The following KCNT2 variants were observed in gnomAD, a reference collection of about 807,000 sequenced individuals.
The protein encoded by KCNT2 is potassium channel subfamily T member 2.
KCNT2 carries 67 observed loss-of-function variants against 153.8 expected under a neutral mutation model. The observed-to-expected ratio is 0.44, with a 90% CI of 0.36 to 0.53. The LOEUF (loss-of-function observed/expected upper bound fraction) is 0.53, where lower values mean the gene tolerates loss of function less well. Among genes scored for constraint, KCNT2 ranks in the 20% least tolerant of loss-of-function variants. The pLI, the probability that KCNT2 is intolerant of heterozygous loss-of-function variation, is 0.00. For missense variants in KCNT2, 975 were observed against 1,354.8 expected (o/e 0.72, Z 4.40); for synonymous variants, 500 against 458.8 (o/e 1.09, Z -1.15).
chr1:196,292,120 A>G (rs928731404), intron 22 of KCNT2, among the ~76,000 whole-genome samples: 1 of 152,236 alleles, frequency 6.6e-6, no homozygotes, highest in Non-Finnish European at 1.5e-5. Context: ...ATTTACTTTT[A>G]CGAATCAGGC....
chr1:196,275,691 C>G (rs1411731464), intron 25 of KCNT2, among the ~76,000 whole-genome samples: 1 of 151,728 alleles, frequency 6.6e-6, no homozygotes, highest in African/African-American at 2.4e-5. Context: ...CCTGCATCTG[C>G]CTTTAAAAGT....
intron 4 of KCNT2, among the ~76,000 whole-genome samples, chr1:196,480,637 C>A (rs1330723028): frequency 6.6e-6 from 1 of 151,758 alleles, no homozygotes; most frequent in African/African-American, 2.4e-5. Flanking sequence ...GGGCGGATCA[C>A]GAGGTCAGGA....
intron 26 of KCNT2, among the ~76,000 whole-genome samples, chr1:196,256,887 T>C (rs1315678645): frequency 2.0e-5 from 3 of 151,984 alleles, no homozygotes; most frequent in Non-Finnish European, 4.4e-5. Flanking sequence ...TCACCTTCCA[T>C]GTAAATTAAT....
At chr1:196,462,794 T>A (rs1223943410) in intron 8 of KCNT2, among the ~76,000 whole-genome samples, 1 of 151,766 alleles carries the variant, frequency 6.6e-6, no homozygotes, top group Non-Finnish European at 1.5e-5. Flanking sequence ...AATGTACATG[T>A]GGACTTTTAT....
At chr1:196,293,005 T>A (rs1259013563) in intron 22 of KCNT2, among the ~76,000 whole-genome samples, 1 of 151,108 alleles carries the variant, frequency 6.6e-6, no homozygotes, top group East Asian at 1.9e-4. Context: ...AAAAAATAAT[T>A]AAAACCAGTC....
chr1:196,246,561 TC>T (rs2102279687), intron 26 of KCNT2, among the ~76,000 whole-genome samples: 1 of 152,174 alleles, frequency 6.6e-6, no homozygotes, highest in East Asian at 1.9e-4. Flanking sequence ...CTACAATTTT[TC>T]CAGTTTTCAG....
At chr1:196,287,967 G>C (rs1429734596) in intron 22 of KCNT2, among the ~76,000 whole-genome samples, 1 of 152,026 alleles carries the variant, frequency 6.6e-6, no homozygotes, top group African/African-American at 2.4e-5. Context: ...TACATACTTA[G>C]GAAGGGCACC....
intron 26 of KCNT2, among the ~76,000 whole-genome samples, chr1:196,245,045 G>A (rs1471427805): frequency 6.6e-6 from 1 of 152,094 alleles, no homozygotes; most frequent in Admixed American, 6.5e-5. Flanking sequence ...AAGAACAAGA[G>A]TCTCTGCCTG....
Position 196,549,056 on chromosome 1 carries a change from A to G in KCNT2, c.96-56715T>C, listed in dbSNP as rs1457542451. Among the ~76,000 whole-genome samples, 4 of 152,094 alleles carry G rather than the reference A, an allele frequency of 2.6e-5. No individual in the cohort carries two copies. In the East Asian group the frequency reaches 7.7e-4, roughly 29 times the overall value. On this transcript the variant is annotated intron_variant, in intron 1 of 27. Coordinates refer to ENST00000294725, the MANE Select transcript of KCNT2 (RefSeq NM_198503.5). The stretch of plus-strand genomic sequence containing the variant: ...CATTGGGAGATATACCTAATGCTAG[A>G]TGACGAGTTAGTGGGTGCAGCGCAC...
At chr1:196,283,849 TTTTG>T (rs1298387080) in intron 23 of KCNT2, among the ~76,000 whole-genome samples, 3 of 152,104 alleles carry the variant, frequency 2.0e-5, no homozygotes, top group Non-Finnish European at 2.9e-5. Context: ...GTTGTTAATA[TTTTG>T]TTTCAGTTAT....
chr1:196,564,550 C>T (rs1264111834), intron 1 of KCNT2, among the ~76,000 whole-genome samples: 2 of 151,570 alleles, frequency 1.3e-5, no homozygotes, highest in Non-Finnish European at 3.0e-5. Context: ...ACTCAATCTT[C>T]AGCAAAAAGA....
intron 8 of KCNT2, among the ~76,000 whole-genome samples, chr1:196,457,831 G>A (rs1346564515): frequency 6.6e-6 from 1 of 151,876 alleles, no homozygotes; most frequent in Non-Finnish European, 1.5e-5. Context: ...CTCAATTGCT[G>A]CTTGAGAGTA....
intron 13 of KCNT2, among the ~76,000 whole-genome samples, chr1:196,396,632 A>G (rs1222255637): frequency 6.6e-6 from 1 of 151,604 alleles, no homozygotes; most frequent in Non-Finnish European, 1.5e-5. Context: ...TCTTTACACA[A>G]TGTAAAAAGA....
At chr1:196,302,994 A>G (rs1338298287) in intron 22 of KCNT2, among the ~76,000 whole-genome samples, 4 of 151,370 alleles carry the variant, frequency 2.6e-5, no homozygotes, top group Admixed American at 2.6e-4. Context: ...TCTAAAAGAC[A>G]TAAGGACAAA....
chr1:196,535,022 T>C (rs1655380755), intron 1 of KCNT2, among the ~76,000 whole-genome samples: 1 of 152,228 alleles, frequency 6.6e-6, no homozygotes, highest in African/African-American at 2.4e-5. Flanking sequence ...ATTCTGATTA[T>C]AATTTCCCTT....
intron 1 of KCNT2, among the ~76,000 whole-genome samples, chr1:196,604,088 G>T (rs1050583747): frequency 3.3e-5 from 5 of 152,216 alleles, no homozygotes; most frequent in Admixed American, 6.5e-5. Context: ...GTTGAATATT[G>T]AATGTTGAAT....
chr1:196,487,438 G>GTGTGTGTGTGTAT (rs1269144824), intron 3 of KCNT2, among the ~76,000 whole-genome samples: 2 of 150,336 alleles, frequency 1.3e-5, no homozygotes, highest in Non-Finnish European at 3.0e-5. Flanking sequence ...GTGTGTGTAT[G>GTGTGTGTGTGTAT]TATGTGTCTG....
intron 12 of KCNT2, among the ~76,000 whole-genome samples, chr1:196,399,640 T>C (rs1342345109): frequency 6.6e-6 from 1 of 151,702 alleles, no homozygotes; most frequent in East Asian, 2.0e-4. Flanking sequence ...CAAATGCAGA[T>C]AGAAGAAGTT....
chr1:196,339,246 A>G (rs985266307), intron 16 of KCNT2, among the ~76,000 whole-genome samples: 2 of 152,108 alleles, frequency 1.3e-5, no homozygotes. Flanking sequence ...CAGGAAGAAC[A>G]TGGTCAATAT....
Sources: gnomAD v4.1 joint callset for allele counts (sites outside exome capture counted in the v4.1 genomes callset) on GRCh38, gnomAD v4.1.1 for gene constraint, MANE v1.5 for transcripts, NCBI Gene and HGNC (gene_info 2026-07-23, HGNC 2026-07-21) for gene names.